Variants in TUBA3E observed in about 807,000 individuals in gnomAD.
TUBA3E encodes tubulin alpha-3E chain.
TUBA3E carries 21 observed loss-of-function variants against 36.7 expected under a neutral mutation model. The observed-to-expected ratio is 0.57, with a 90% CI of 0.41 to 0.83. The LOEUF is 0.83. TUBA3E is among the 40% of genes least tolerant of loss of function. The probability of loss-of-function intolerance (pLI) is 0.00; values close to 1 mark genes in which losing one functional copy is unlikely to be tolerated. For synonymous variants in TUBA3E, 177 were observed against 241.9 expected, an observed-to-expected ratio of 0.73 and a Z score of 2.49; for missense variants, 469 against 604.2, an observed-to-expected ratio of 0.78 and a Z score of 2.35.
At position 130,191,796 on chromosome 2, in the gene TUBA3E, A is replaced by T; in HGVS notation, c.*35T>A. 1 of 1,586,332 alleles carries T rather than the reference A, an allele frequency of 6.3e-7. No individual in the cohort carries two copies. Among genetic ancestry groups the T allele is most frequent in the Non-Finnish European group, 8.6e-7 (1 of 1,166,386 alleles). Reference sequence around the variant, plus strand: ...CAAACAACTTGAAAGCAGCCATCCTAGGGGTGGCAGGGGAGAACCCACCAC... The same window carrying T: ...CAAACAACTTGAAAGCAGCCATCCTTGGGGTGGCAGGGGAGAACCCACCAC... On this transcript the variant is annotated 3_prime_UTR_variant, in exon 5 of 5. Transcript: ENST00000312988.
intron 3 of TUBA3E, among the ~76,000 whole-genome samples, chr2:130,194,857 T>C (rs1690365087): frequency 2.0e-5 from 3 of 152,254 alleles, no homozygotes; most frequent in Middle Eastern, 3.4e-3. Flanking sequence ...TTCGTATTTT[T>C]AGTAGACATA....
intron 1 of TUBA3E, among the ~76,000 whole-genome samples, chr2:130,196,989 C>T (rs1690423092): frequency 6.6e-6 from 1 of 152,202 alleles, no homozygotes. Context: ...TGCCAGGGTA[C>T]TCCCTCCTTG....
In TUBA3E at chr2:130,193,849, G is replaced by A. The variant is rs567079016; in HGVS notation, c.993C>T (p.Ala331=). Residue 331 remains alanine (A), a synonymous_variant, in exon 4 of 5, where the codon GCC becomes GCT. Transcript: ENST00000312988. ...TGCGCTTGGTCTTGATGGTGGCGAT[G>A]GCCGCATTGACGTCTTTGGGGACCA... The part of the protein sequence containing the change: ...GDVVPKDVNA[A]IATIKTKRTI... 28 of 1,614,132 alleles carry A rather than the reference G, an allele frequency of 1.7e-5. No homozygotes were observed. The East Asian group carries it at 4.5e-4, about 26-fold the overall frequency.
intron 4 of TUBA3E, among the ~76,000 whole-genome samples, chr2:130,193,444 A>G (rs1163834675): frequency 6.6e-6 from 1 of 150,970 alleles, no homozygotes; most frequent in Non-Finnish European, 1.5e-5. Context: ...CCCCGTCTCT[A>G]CTAAAAATAC....
chr2:130,194,645 G>T (rs1447503470), intron 3 of TUBA3E, among the ~76,000 whole-genome samples, 179 bp from the exon 4 acceptor site: 3 of 152,188 alleles, frequency 2.0e-5, no homozygotes, highest in Non-Finnish European at 4.4e-5. Flanking sequence ...AATCACCATT[G>T]CAGACTCAGT....
At chr2:130,192,606 A>G (rs1427391113) in intron 4 of TUBA3E, among the ~76,000 whole-genome samples, 1 of 152,202 alleles carries the variant, frequency 6.6e-6, no homozygotes, top group East Asian at 1.9e-4. Context: ...GTCAAGAGTC[A>G]TATGAATGCT....
intron 2 of TUBA3E, among the ~76,000 whole-genome samples, chr2:130,195,671 G>A (rs1488666727): frequency 6.6e-6 from 1 of 152,196 alleles, no homozygotes; most frequent in Non-Finnish European, 1.5e-5. Context: ...GTCATCTCCT[G>A]GGGGGCCACT....
chr2:130,193,686 G>T (rs1340812788), intron 4 of TUBA3E, 100 bp downstream of exon 4: 12 of 1,446,858 alleles, frequency 8.3e-6, no homozygotes, highest in Non-Finnish European at 1.1e-5. Context: ...CCTAGCCCAT[G>T]GAACAGGGAT....
intron 1 of TUBA3E, among the ~76,000 whole-genome samples, chr2:130,198,024 A>T (rs1690454284): frequency 8.1e-6 from 1 of 123,334 alleles, no homozygotes; most frequent in Admixed American, 9.0e-5. Context: ...GCAGCTCCTC[A>T]GCTGTTTCCA....
chr2:130,195,167 T>C lies in TUBA3E; in HGVS notation c.287A>G (p.Lys96Arg). The change falls in exon 3 of 5, where the codon AAG becomes AGG. Residue 96 changes from lysine to arginine, a missense_variant. Lys to Arg is a conservative substitution (Grantham distance 26). This residue lies in a region of TUBA3E where 169 missense variants were observed against 239.0 expected (regional missense o/e 0.71). Transcript: ENST00000312988. ...LFHPEQLITG[K>R]EDAASNYARG... is the part of the protein sequence containing the mutation. Reference sequence around the variant, plus strand: ...GGCGTAATTACTGGCTGCATCTTCCTTCCCGGTGATCAGCTGCTCTGGGTG... The same window carrying C: ...GGCGTAATTACTGGCTGCATCTTCCCTCCCGGTGATCAGCTGCTCTGGGTG... 6.2e-7 allele frequency: 1 copy of C among 1,613,982 alleles called. No homozygotes were observed. Among genetic ancestry groups the C allele is most frequent in the Non-Finnish European group, 8.5e-7 (1 of 1,179,978 alleles).
In TUBA3E at chr2:130,192,111, T is replaced by C. The variant is rs1282476971; in HGVS notation, c.1073A>G (p.Gln358Arg). 4 of 1,596,666 alleles carry C rather than the reference T, an allele frequency of 2.5e-6. No homozygotes were observed. The highest frequency in any genetic ancestry group is 8.5e-7 in the Non-Finnish European group (1 of 1,170,620). Residue 358 changes from glutamine to arginine, a missense_variant, in exon 5 of 5, where the codon CAG (glutamine) becomes CGG (arginine). Around this residue, in one of 3 missense-constraint regions of TUBA3E, gnomAD observed 296 missense variants for 346.9 expected, o/e 0.85. Coordinates refer to ENST00000312988, the MANE Select transcript of TUBA3E (RefSeq NM_207312.3). ...PTGFKVGINYQPPTVVPGGDL... is the reference protein window; with the variant it reads ...PTGFKVGINYRPPTVVPGGDL... ...TCCCCCGGGGACCACTGTGGGGGGC[T>C]GGTAGTTAATGCCCACCTGCCAGAG...
intron 1 of TUBA3E, among the ~76,000 whole-genome samples, chr2:130,196,825 C>G (rs1690419125): frequency 6.6e-6 from 1 of 152,164 alleles, no homozygotes; most frequent in South Asian, 2.1e-4. Flanking sequence ...TCTCTGCCCC[C>G]CAGTTCTACC....
At position 130,196,273 on chromosome 2, in the gene TUBA3E, A is replaced by G. The variant is rs2599996; in HGVS notation, c.102T>C (p.Gly34=). 129 of 1,613,870 alleles carry G rather than the reference A, an allele frequency of 8.0e-5. 1 individual carries two copies. The highest frequency in any genetic ancestry group is 7.1e-4 in the South Asian group (65 of 91,024). The change falls in exon 2 of 5, where the codon GGT becomes GGC. Residue 34 remains glycine (G), a synonymous_variant. Coordinates refer to ENST00000312988, the MANE Select transcript of TUBA3E (RefSeq NM_207312.3). The part of the protein sequence containing the change: ...YCLEHGIQPD[G]QMPSDKTIGG... The stretch of plus-strand genomic sequence containing the variant: ...CAATGGTTTTATCACTTGGCATTTG[A>G]CCATCGGGCTGAATTCCATGTTCAA...
chr2:130,193,918 G>A lies in TUBA3E; in HGVS notation c.924C>T (p.Arg308=), dbSNP rs1368167741. 3 of 1,614,126 alleles carry A rather than the reference G, an allele frequency of 1.9e-6. No homozygotes were observed. The highest frequency in any genetic ancestry group is 2.7e-5 in the African/African-American group (2 of 74,954). The part of the protein sequence containing the change: ...PANQMVKCDP[R]HGKYMACCML... ...TGCAGCAGGCCATGTACTTGCCATG[G>A]CGAGGGTCACACTTGACCATCTGAT... Residue 308 remains arginine, a synonymous_variant, in exon 4 of 5, where the codon CGC becomes CGT. Transcript: ENST00000312988.
At chr2:130,193,218 A>G (rs191565054) in intron 4 of TUBA3E, among the ~76,000 whole-genome samples, 14 of 149,646 alleles carry the variant, frequency 9.4e-5, no homozygotes, top group Admixed American at 6.7e-4. Flanking sequence ...TCACACTACT[A>G]CAGCCTGAGA....
chr2:130,196,193 T>G lies in TUBA3E; in HGVS notation c.182A>C (p.His61Pro), dbSNP rs769669177. Residue 61 changes from histidine to proline, a missense_variant, in exon 2 of 5, where the codon CAC becomes CCC. Transcript: ENST00000312988. ...TFFSETGAGKHVPRAVFVDLE... is the reference protein window; with the variant it reads ...TFFSETGAGKPVPRAVFVDLE... Reference sequence around the variant, plus strand: ...GTCCACAAACACTGCTCTGGGCACGTGCTTGCCAGCTCCAGTCTCACTGAA... The same window carrying G: ...GTCCACAAACACTGCTCTGGGCACGGGCTTGCCAGCTCCAGTCTCACTGAA... 1.2e-6 allele frequency: 2 copies of G among 1,613,992 alleles called. No homozygotes were observed. The highest frequency in any genetic ancestry group is 1.1e-5 in the South Asian group (1 of 91,080).
At position 130,194,375 on chromosome 2, in the gene TUBA3E, C is replaced by T. The variant is rs773360057; in HGVS notation, c.467G>A (p.Arg156Gln). 4.3e-6 allele frequency: 7 copies of T among 1,613,088 alleles called. No homozygotes were observed. Among genetic ancestry groups the T allele is most frequent in the African/African-American group, 2.7e-5 (2 of 74,714 alleles). ...CTTCTTGCTGTAATCCACTGAGAGCCGCTCCATGAGCAGAGATGCGAACCC... is the reference window on the plus strand; with the variant it reads ...CTTCTTGCTGTAATCCACTGAGAGCTGCTCCATGAGCAGAGATGCGAACCC... The part of the protein sequence containing the change: ...GSGFASLLME[R>Q]LSVDYSKKSK... Residue 156 changes from arginine (R) to glutamine (Q), a missense_variant, in exon 4 of 5, where the codon CGG becomes CAG. Arg to Gln is a conservative substitution (Grantham distance 43). Transcript: ENST00000312988.
Position 130,195,231 on chromosome 2 carries a change from C to T in TUBA3E, c.227-4G>A, listed in dbSNP as rs774885779. 1 of 1,613,728 alleles carries T rather than the reference C, an allele frequency of 6.2e-7. No homozygotes were observed. The highest frequency in any genetic ancestry group is 8.5e-7 in the Non-Finnish European group (1 of 1,179,780). ...TAGGTCCCTGTGCGCACTTCATCTG[C>T]AAAAGAGACAGTGTGTACTGTGAAT... On this transcript the variant is annotated splice_polypyrimidine_tract_variant and splice_region_variant and intron_variant, in intron 2 of 4. Coordinates refer to ENST00000312988, the MANE Select transcript of TUBA3E (RefSeq NM_207312.3).
chr2:130,193,840 G>T lies in TUBA3E; in HGVS notation c.1002C>A (p.Thr334=), dbSNP rs777712758. ...ACTGGATAGTGCGCTTGGTCTTGATGGTGGCGATGGCCGCATTGACGTCTT... is the reference window on the plus strand; with the variant it reads ...ACTGGATAGTGCGCTTGGTCTTGATTGTGGCGATGGCCGCATTGACGTCTT... ...VPKDVNAAIA[T]IKTKRTIQFV... Residue 334 remains threonine, a synonymous_variant, in exon 4 of 5, where the codon ACC becomes ACA. Coordinates refer to ENST00000312988, the MANE Select transcript of TUBA3E (RefSeq NM_207312.3). 6 of 1,613,972 alleles carry T rather than the reference G, an allele frequency of 3.7e-6. No homozygotes were observed. In the South Asian group the frequency reaches 6.6e-5, roughly 18 times the overall value.
Sources: allele counts gnomAD v4.1 joint callset (sites outside exome capture counted in the v4.1 genomes callset), GRCh38; gene constraint gnomAD v4.1.1; regional missense constraint gnomAD v4.1.1; transcripts MANE v1.5; gene names NCBI Gene and HGNC (gene_info 2026-07-23, HGNC 2026-07-21).